The following DUOX2 variants were observed in gnomAD, a reference collection of about 807,000 sequenced individuals.
The protein encoded by DUOX2 is NADH/NADPH thyroid oxidase p138-tox.
In DUOX2, 185 loss-of-function variants were observed where a neutral mutation model predicts 183.3. The ratio of observed to expected loss-of-function variants is 1.01; its 90% confidence interval spans 0.90 to 1.14. The LOEUF (loss-of-function observed/expected upper bound fraction) is 1.14. Ranked by LOEUF, DUOX2 falls within the 50% of genes most tolerant of loss-of-function variation. The probability of loss-of-function intolerance (pLI) is 0.00; values close to 1 mark genes in which losing one functional copy is unlikely to be tolerated. For synonymous variants in DUOX2, 788 were observed against 812.4 expected (o/e 0.97, Z 0.51); for missense variants, 1,999 against 2,022.9 (o/e 0.99, Z 0.23).
chr15:45,104,818 T>C (rs1240801338), intron 18 of DUOX2, among the ~76,000 whole-genome samples: 1 of 152,148 alleles, frequency 6.6e-6, no homozygotes, highest in East Asian at 1.9e-4. Flanking sequence ...CAACCATTTA[T>C]TGTTTTTTGT....
At position 45,099,834 on chromosome 15, in the gene DUOX2, G is replaced by T. The variant is rs1410155270; in HGVS notation, c.3243C>A (p.Ile1081=). ...CGCTGGCCGCCGTGCCTCGTGACAG[G>T]ATGATGCCCACGAGGGTGGTCTGTG... The part of the protein sequence containing the change: ...DIAQTTLVGI[I]LSRGTAASVS... The change falls in exon 25 of 34, where the codon ATC becomes ATA. Residue 1081 remains isoleucine, a synonymous_variant. Coordinates refer to ENST00000389039, the MANE Select transcript of DUOX2 (RefSeq NM_001363711.2). The T allele has an allele frequency of 6.2e-7, 1 of 1,614,242 alleles. No individual in the cohort carries two copies. The highest frequency in any genetic ancestry group is 8.5e-7 in the Non-Finnish European group (1 of 1,180,040).
At chr15:45,107,850 C>CAAAAAAAAAAAA (rs36025213) in intron 13 of DUOX2, among the ~76,000 whole-genome samples, 197 bp downstream of exon 13, 19 of 48,756 alleles carry the variant, frequency 3.9e-4, no homozygotes, top group African/African-American at 9.5e-4. Context: ...GACTCTGCCT[C>CAAAAAAAAAAAA]AAAAAAAAAA....
At position 45,108,856 on chromosome 15, in the gene DUOX2, G is replaced by T. The variant is rs1201285231; in HGVS notation, c.1331C>A (p.Ala444Asp). The T allele has an allele frequency of 8.1e-6, 13 of 1,614,230 alleles. No individual in the cohort carries two copies. The highest frequency in any genetic ancestry group is 1.1e-5 in the South Asian group (1 of 91,090). ...GATGTCCAGCCCAAAGGCCAGCAGGGCCTGGCTATAGCTGGGCAGCCCCAT... is the reference window on the plus strand; with the variant it reads ...GATGTCCAGCCCAAAGGCCAGCAGGTCCTGGCTATAGCTGGGCAGCCCCAT... ...RDMGLPSYSQ[A>D]LLAFGLDIPR... Residue 444 changes from alanine to aspartate, a missense_variant, in exon 12 of 34, where the codon GCC becomes GAC. Physicochemically the swap from Ala to Asp is moderately radical, Grantham distance 126. Transcript: ENST00000389039.
At chr15:45,110,568 C>A in intron 8 of DUOX2, 44 bp from the exon 9 acceptor site, 1 of 1,613,938 alleles carries the variant, frequency 6.2e-7, no homozygotes, top group Non-Finnish European at 8.5e-7. Flanking sequence ...GGCTTCTTGC[C>A]TCCACATCCT....
rs779826766 is a variant in DUOX2 at position 45,108,039 on chromosome 15, A to C, written c.1574+8T>G. On this transcript the variant is annotated splice_region_variant and intron_variant, in intron 13 of 33. Coordinates refer to ENST00000389039, the MANE Select transcript of DUOX2 (RefSeq NM_001363711.2). The stretch of plus-strand genomic sequence containing the variant: ...GCAGTCTGAGGTGGGGGCCCAGGCA[A>C]GCCTTACCCATTCCTGGTGTTCTCA... 12 of 1,613,692 alleles carry C rather than the reference A, an allele frequency of 7.4e-6. No homozygotes were observed. In the African/African-American group the frequency reaches 1.3e-4, roughly 18 times the overall value.
chr15:45,099,848 G>T lies in DUOX2; in HGVS notation c.3229C>A (p.Leu1077Ile), dbSNP rs747267678. 17 of 1,614,078 alleles carry T rather than the reference G, an allele frequency of 1.1e-5. No individual in the cohort carries two copies. Among genetic ancestry groups the T allele is most frequent in the East Asian group, 4.5e-5 (2 of 44,878 alleles). ...CCTCGTGACAGGATGATGCCCACGA[G>T]GGTGGTCTGTGCAATGTCCGAGGGT... ...SPPSDIAQTT[L>I]VGIILSRGTA... The change falls in exon 25 of 34, where the codon CTC (leucine) becomes ATC (isoleucine). Residue 1077 changes from leucine (L) to isoleucine (I), a missense_variant. By Grantham distance (5) the Leu-to-Ile change is conservative. This residue lies in a region of DUOX2 where 1,628 missense variants were observed against 1,608.6 expected (regional missense o/e 1.01). Coordinates refer to ENST00000389039, the MANE Select transcript of DUOX2 (RefSeq NM_001363711.2).
At chr15:45,094,347 G>A in intron 33 of DUOX2, 75 bp from the exon 34 acceptor site, 1 of 1,605,378 alleles carries the variant, frequency 6.2e-7, no homozygotes, top group Non-Finnish European at 8.5e-7. Context: ...GCTGCTTCCT[G>A]AGCCTGGCTG....
intron 2 of DUOX2, 102 bp from the exon 3 acceptor site, chr15:45,113,178 T>C: frequency 6.8e-7 from 1 of 1,464,854 alleles, no homozygotes; most frequent in Non-Finnish European, 9.4e-7. Flanking sequence ...GGAGCGCCCC[T>C]AACCGGACCC....
chr15:45,094,470 C>T lies in DUOX2; in HGVS notation c.4524+93G>A, dbSNP rs7170066. The T allele has an allele frequency of 5.1e-4, 784 of 1,548,944 alleles. 6 individuals carry two copies. In the African/African-American group the frequency reaches 9.7e-3, roughly 19 times the overall value. On this transcript the variant is annotated intron_variant, in intron 33 of 33. Coordinates refer to ENST00000389039, the MANE Select transcript of DUOX2 (RefSeq NM_001363711.2). ...TGGGGCCAGGCAATCGGGTGGAGTTCTCTGCTCAGAACAGAGTGGCAGGGT... is the reference window on the plus strand; with the variant it reads ...TGGGGCCAGGCAATCGGGTGGAGTTTTCTGCTCAGAACAGAGTGGCAGGGT...
In DUOX2 at chr15:45,112,734, G is replaced by A. The variant is rs758326314; in HGVS notation, c.161-16C>T. On this transcript the variant is annotated splice_polypyrimidine_tract_variant and intron_variant, in intron 3 of 33. Coordinates refer to ENST00000389039, the MANE Select transcript of DUOX2 (RefSeq NM_001363711.2). The stretch of plus-strand genomic sequence containing the variant: ...AACCGGCAGCCTGCGGAGGCAGGGA[G>A]CGGGGCTCTGTCTAAGCACTCCATC... 1 of 1,610,208 alleles carries A rather than the reference G, an allele frequency of 6.2e-7. No individual in the cohort carries two copies. Among genetic ancestry groups the A allele is most frequent in the South Asian group, 1.1e-5 (1 of 91,086 alleles).
intron 20 of DUOX2, among the ~76,000 whole-genome samples, chr15:45,103,267 C>G (rs185993301): frequency 1.1e-4 from 17 of 152,330 alleles, no homozygotes; most frequent in African/African-American, 4.1e-4. Flanking sequence ...ACTTTGTATT[C>G]ATTTGCTCAC....
At chr15:45,109,362 A>T (rs2141155013) in intron 11 of DUOX2, 162 bp downstream of exon 11, 1 of 670,114 alleles carries the variant, frequency 1.5e-6, no homozygotes, top group East Asian at 2.7e-5. Context: ...GCAAAAAAAA[A>T]AAAAAAGTTC....
intron 9 of DUOX2, among the ~76,000 whole-genome samples, 168 bp from the exon 10 acceptor site, chr15:45,110,148 C>A (rs554713254): frequency 1.3e-5 from 2 of 152,078 alleles, no homozygotes; most frequent in African/African-American, 4.8e-5. Flanking sequence ...AGATAGAGTG[C>A]GCTCCTAGTC....
Position 45,095,966 on chromosome 15 carries a change from C to A in DUOX2, c.3942G>T (p.Glu1314Asp). 6.2e-7 allele frequency: 1 copy of A among 1,614,034 alleles called. No homozygotes were observed. Among genetic ancestry groups the A allele is most frequent in the Non-Finnish European group, 8.5e-7 (1 of 1,179,998 alleles). The change falls in exon 30 of 34, where the codon GAG (glutamate) becomes GAT (aspartate). Residue 1314 changes from glutamate to aspartate, a missense_variant. Glu to Asp is a conservative substitution (Grantham distance 45). Around this residue, in one of 3 missense-constraint regions of DUOX2, gnomAD observed 1,628 missense variants for 1,608.6 expected, o/e 1.01. Transcript: ENST00000389039. ...CGGAGGTCAGTGTGAAGGGGTGGTA[C>A]TCGGTGGTCCCCAGAGCCAGGCAGG... ...RIACLALGTT[E>D]YHPFTLTSAP...
intron 12 of DUOX2, chr15:45,108,439 A>G: frequency 1.6e-6 from 1 of 617,700 alleles, no homozygotes; most frequent in Non-Finnish European, 2.8e-6. Context: ...CCCTAGGACC[A>G]TATCCTGTGA....
intron 23 of DUOX2, chr15:45,100,541 C>A: frequency 1.6e-6 from 1 of 628,988 alleles, no homozygotes. Context: ...TTACTATCAT[C>A]CTGTTGAGCC....
At chr15:45,096,160 G>GA in intron 29 of DUOX2, 100 bp from the exon 30 acceptor site, 1 of 1,043,246 alleles carries the variant, frequency 9.6e-7, no homozygotes, top group Non-Finnish European at 1.5e-6. Flanking sequence ...GAGGCCTGGG[G>GA]AGTAGTCACA....
chr15:45,108,525 A>G (rs1486726058), intron 12 of DUOX2: 2 of 604,370 alleles, frequency 3.3e-6, no homozygotes, highest in East Asian at 2.9e-5. Flanking sequence ...CCCTGCAGCA[A>G]CAGGACAATG....
chr15:45,108,390 T>A, intron 12 of DUOX2, 168 bp from the exon 13 acceptor site: 1 of 790,444 alleles, frequency 1.3e-6, no homozygotes, highest in Non-Finnish European at 2.0e-6. Flanking sequence ...GGTGGAAGGA[T>A]CAGTGTGTCC....
Sources: gnomAD v4.1 joint callset for allele counts (sites outside exome capture counted in the v4.1 genomes callset) on GRCh38, gnomAD v4.1.1 for gene constraint, gnomAD v4.1.1 regional missense constraint, MANE v1.5 for transcripts, NCBI Gene and HGNC (gene_info 2026-07-23, HGNC 2026-07-21) for gene names.